The following HSD17B4 variants were observed in gnomAD, a reference collection of about 807,000 sequenced individuals.
The protein encoded by HSD17B4 is hydroxysteroid 17-beta dehydrogenase 4.
Under a neutral mutation model 101.0 loss-of-function variants are expected in HSD17B4, and 70 were observed. The observed-to-expected ratio is 0.69, with a 90% CI of 0.57 to 0.85. The LOEUF (loss-of-function observed/expected upper bound fraction) is 0.85, where lower values mean the gene tolerates loss of function less well. Ranked by LOEUF, HSD17B4 falls within the 40% of genes least tolerant of loss-of-function variation. The pLI is 0.00. For missense variants in HSD17B4, 984 were observed against 892.4 expected, an observed-to-expected ratio of 1.10 and a Z score of -1.31; for synonymous variants, 347 against 297.1, an observed-to-expected ratio of 1.17 and a Z score of -1.73.
At chr5:119,540,620 A>G (rs530754035) in intron 23 of HSD17B4, among the ~76,000 whole-genome samples, 2 of 152,292 alleles carry the variant, frequency 1.3e-5, no homozygotes, top group East Asian at 3.9e-4. Context: ...AGTGAAAGAA[A>G]TCTTAGTTTT....
chr5:119,505,738 T>A (rs183357682), intron 14 of HSD17B4, among the ~76,000 whole-genome samples: 74 of 152,236 alleles, frequency 4.9e-4, no homozygotes, highest in Non-Finnish European at 7.5e-4. Flanking sequence ...CTTAACATTT[T>A]TTTTTTTTTA....
chr5:119,506,959 C>A, intron 15 of HSD17B4, 70 bp downstream of exon 15: 1 of 769,396 alleles, frequency 1.3e-6, no homozygotes, highest in Non-Finnish European at 2.2e-6. Flanking sequence ...TAATACTTCA[C>A]CATAGAAGTT....
At chr5:119,529,026 G>A (rs948644403) in intron 20 of HSD17B4, among the ~76,000 whole-genome samples, 1 of 151,902 alleles carries the variant, frequency 6.6e-6, no homozygotes, top group Non-Finnish European at 1.5e-5. Context: ...AGTGCATTTT[G>A]TTCATTAATT....
At chr5:119,541,579 T>C (rs1754995520) in intron 23 of HSD17B4, among the ~76,000 whole-genome samples, 1 of 152,236 alleles carries the variant, frequency 6.6e-6, no homozygotes, top group Admixed American at 6.5e-5. Context: ...GAATACAGTG[T>C]AGCCTTTTAT....
chr5:119,458,919 GTTTTA>G (rs1039279356), intron 2 of HSD17B4, among the ~76,000 whole-genome samples: 14 of 152,260 alleles, frequency 9.2e-5, no homozygotes, highest in Non-Finnish European at 1.3e-4. Context: ...TGAATAGTAA[GTTTTA>G]TTTTGAGGAC....
intron 16 of HSD17B4, among the ~76,000 whole-genome samples, chr5:119,514,694 G>A (rs1752458473): frequency 6.6e-6 from 1 of 152,080 alleles, no homozygotes; most frequent in African/African-American, 2.4e-5. Flanking sequence ...TTTACATAGG[G>A]AGTAACTGTC....
intron 9 of HSD17B4, among the ~76,000 whole-genome samples, chr5:119,489,550 A>G (rs1400071415): frequency 6.6e-6 from 1 of 152,176 alleles, no homozygotes; most frequent in African/African-American, 2.4e-5. Context: ...TCATTATTTA[A>G]GAAGCTGAAT....
At chr5:119,493,660 G>A (rs1750319006) in intron 10 of HSD17B4, 158 bp from the exon 11 acceptor site, 3 of 682,666 alleles carry the variant, frequency 4.4e-6, no homozygotes, top group East Asian at 2.9e-5. Context: ...GGTTTGTTGG[G>A]AAAAATTCAT....
At chr5:119,485,369 A>C (rs995686187) in intron 8 of HSD17B4, among the ~76,000 whole-genome samples, 3 of 152,164 alleles carry the variant, frequency 2.0e-5, no homozygotes, top group African/African-American at 7.2e-5. Flanking sequence ...TATGCCTACC[A>C]TGCTCTAGTA....
At chr5:119,488,979 G>C (rs1289710637) in intron 8 of HSD17B4, among the ~76,000 whole-genome samples, 1 of 152,116 alleles carries the variant, frequency 6.6e-6, no homozygotes, top group Non-Finnish European at 1.5e-5. Flanking sequence ...AGGTGTGTCT[G>C]ATACTTACAA....
At chr5:119,517,903 A>G (rs995355534) in intron 17 of HSD17B4, among the ~76,000 whole-genome samples, 1 of 152,124 alleles carries the variant, frequency 6.6e-6, no homozygotes, top group African/African-American at 2.4e-5. Context: ...GGGGCCTTGG[A>G]GAACCTTTGT....
intron 22 of HSD17B4, among the ~76,000 whole-genome samples, chr5:119,534,079 G>C (rs748695806): frequency 6.6e-6 from 1 of 151,996 alleles, no homozygotes; most frequent in Non-Finnish European, 1.5e-5. Flanking sequence ...ATGTTGCTGA[G>C]CAAAATCTGT....
At chr5:119,510,943 G>T (rs1561473958) in intron 16 of HSD17B4, among the ~76,000 whole-genome samples, 1 of 152,140 alleles carries the variant, frequency 6.6e-6, no homozygotes, top group Non-Finnish European at 1.5e-5. Context: ...TCTCCATCCA[G>T]CCCCCACTTA....
intron 20 of HSD17B4, among the ~76,000 whole-genome samples, chr5:119,528,263 A>C (rs1342608636): frequency 6.6e-6 from 1 of 152,162 alleles, no homozygotes; most frequent in African/African-American, 2.4e-5. Flanking sequence ...CAAAGCTTTG[A>C]TTACAGGCCC....
intron 17 of HSD17B4, among the ~76,000 whole-genome samples, chr5:119,517,384 C>G (rs2431545): frequency 0.021 from 3,183 of 152,318 alleles, 96 homozygotes; most frequent in African/African-American, 0.072. Context: ...GCCTGAGCCT[C>G]CCACCCCCTC....
At chr5:119,469,447 T>C (rs1409478511) in intron 2 of HSD17B4, among the ~76,000 whole-genome samples, 1 of 152,072 alleles carries the variant, frequency 6.6e-6, no homozygotes. Flanking sequence ...CTCTGCCTCC[T>C]GGTTCAAGCA....
chr5:119,514,406 C>T (rs897537127), intron 16 of HSD17B4, among the ~76,000 whole-genome samples: 2 of 152,116 alleles, frequency 1.3e-5, no homozygotes, highest in African/African-American at 4.8e-5. Context: ...TAGATATTAG[C>T]TACTTGAATT....
At chr5:119,525,405 T>A in intron 18 of HSD17B4, 120 bp downstream of exon 18, 1 of 717,448 alleles carries the variant, frequency 1.4e-6, no homozygotes, top group Non-Finnish European at 2.5e-6. Flanking sequence ...AAATGTTATT[T>A]TATTTATTAC....
At chr5:119,477,743 G>A (rs567812883) in intron 7 of HSD17B4, 97 of 476,638 alleles carry the variant, frequency 2.0e-4, no homozygotes, top group African/African-American at 1.7e-3. Context: ...AGATTTTCTT[G>A]CTGCTCTCTG....
Sources: allele counts gnomAD v4.1 joint callset (sites outside exome capture counted in the v4.1 genomes callset), GRCh38; gene constraint gnomAD v4.1.1; transcripts MANE v1.5; gene names NCBI Gene and HGNC (gene_info 2026-07-23, HGNC 2026-07-21).